Variants in ATG16L1 observed in about 807,000 individuals in gnomAD.
ATG16L1 encodes autophagy related 16 like 1.
ATG16L1 carries 37 observed loss-of-function variants against 88.5 expected under a neutral mutation model. That is an observed-to-expected ratio of 0.42 (90% CI 0.32 to 0.55). ATG16L1 has a LOEUF of 0.55. Ranked by LOEUF, ATG16L1 falls within the 20% of genes least tolerant of loss-of-function variation. The pLI is 0.13. For synonymous variants in ATG16L1, 301 were observed against 281.0 expected, an observed-to-expected ratio of 1.07 and a Z score of -0.71; for missense variants, 554 against 752.8, an observed-to-expected ratio of 0.74 and a Z score of 3.09.
intron 6 of ATG16L1, among the ~76,000 whole-genome samples, chr2:233,271,436 G>A (rs1235290263): frequency 6.6e-6 from 1 of 152,120 alleles, no homozygotes; most frequent in Non-Finnish European, 1.5e-5. Context: ...GCGCCACCAC[G>A]CCCAGCTAAT....
intron 10 of ATG16L1, among the ~76,000 whole-genome samples, chr2:233,278,842 A>G (rs898523002): frequency 2.0e-5 from 3 of 152,178 alleles, no homozygotes; most frequent in Non-Finnish European, 2.9e-5. Context: ...AAAATTTACT[A>G]TTTTGCCCAG....
At chr2:233,269,582 C>T (rs978920509) in intron 5 of ATG16L1, among the ~76,000 whole-genome samples, 15 of 152,222 alleles carry the variant, frequency 9.9e-5, no homozygotes, top group Admixed American at 3.3e-4. Flanking sequence ...TGAGAAAATT[C>T]GAAATCTGAA....
intron 1 of ATG16L1, among the ~76,000 whole-genome samples, chr2:233,252,221 A>C (rs1696423095): frequency 6.6e-6 from 1 of 152,246 alleles, no homozygotes; most frequent in African/African-American, 2.4e-5. Flanking sequence ...ATGCTTATGC[A>C]CTTAAATAGG....
chr2:233,285,810 A>G (rs1361382761), intron 12 of ATG16L1, among the ~76,000 whole-genome samples: 1 of 152,232 alleles, frequency 6.6e-6, no homozygotes, highest in Admixed American at 6.5e-5. Context: ...ACAGACATCC[A>G]TGCCCTGTTC....
chr2:233,292,510 T>C (rs916068385), intron 16 of ATG16L1, 76 bp downstream of exon 16: 192 of 1,588,082 alleles, frequency 1.2e-4, no homozygotes, highest in Non-Finnish European at 1.6e-4. Flanking sequence ...ACTGGGGATA[T>C]AGAGCTAAAT....
intron 17 of ATG16L1, 68 bp downstream of exon 17, chr2:233,293,425 C>A: frequency 1.4e-6 from 2 of 1,435,624 alleles, no homozygotes; most frequent in Non-Finnish European, 9.8e-7. Context: ...TCTCAGGGGT[C>A]ATCCGGTTTA....
chr2:233,256,714 T>C lies in ATG16L1; in HGVS notation c.209+519T>C, dbSNP rs975689254. ...TTTTCTTTTTTTTTTTTTTCTTTTT[T>C]GAGACAGTCTCACTCTGTCACCCAG... On this transcript the variant is annotated intron_variant, in intron 2 of 17. Coordinates refer to ENST00000392017, the MANE Select transcript of ATG16L1 (RefSeq NM_030803.7). Among the ~76,000 whole-genome samples the C allele has an allele frequency of 7.7e-4, 117 of 151,968 alleles. 1 individual carries two copies. Among genetic ancestry groups the C allele is most frequent in the Non-Finnish European group, 1.3e-3 (91 of 67,940 alleles).
chr2:233,288,109 C>A (rs1699206597), intron 12 of ATG16L1, among the ~76,000 whole-genome samples: 1 of 152,092 alleles, frequency 6.6e-6, no homozygotes, highest in African/African-American at 2.4e-5. Context: ...AGATGCTGTC[C>A]CAGTTTCAGA....
intron 5 of ATG16L1, among the ~76,000 whole-genome samples, chr2:233,267,524 G>A (rs1697691535): frequency 6.6e-6 from 1 of 152,148 alleles, no homozygotes; most frequent in African/African-American, 2.4e-5. Flanking sequence ...GGGGTGGTGA[G>A]ATTATGGTTT....
intron 5 of ATG16L1, among the ~76,000 whole-genome samples, chr2:233,267,632 T>C (rs1392336632): frequency 1.3e-5 from 2 of 152,254 alleles, no homozygotes; most frequent in African/African-American, 4.8e-5. Flanking sequence ...GTCTCACATT[T>C]ACTTTAAGCA....
intron 10 of ATG16L1, among the ~76,000 whole-genome samples, chr2:233,277,992 A>G (rs1458594339): frequency 1.3e-5 from 2 of 152,248 alleles, no homozygotes; most frequent in Admixed American, 6.5e-5. Context: ...GCATCTTGCA[A>G]AATAGTACCG....
intron 12 of ATG16L1, among the ~76,000 whole-genome samples, chr2:233,286,693 T>G (rs1193767189): frequency 6.8e-6 from 1 of 147,878 alleles, no homozygotes; most frequent in Non-Finnish European, 1.5e-5. Context: ...TGGCGTGATC[T>G]CTGCTCGCTG....
rs1574853799 is a variant in ATG16L1 at position 233,264,148 on chromosome 2, G to A, written c.389+83G>A. ...TGCTGACCTCTTGTGAGCAGGGCCAGTGGCAGTGAGTGGCCACAGTGCACT... is the reference window on the plus strand; with the variant it reads ...TGCTGACCTCTTGTGAGCAGGGCCAATGGCAGTGAGTGGCCACAGTGCACT... On this transcript the variant is annotated intron_variant, in intron 4 of 17. Transcript: ENST00000392017. 7.7e-6 allele frequency: 10 copies of A among 1,294,752 alleles called. No homozygotes were observed. In the East Asian group the frequency reaches 2.1e-4, roughly 27 times the overall value. The allele number at this position is 1,294,752 out of a possible 1,614,324, so 80.2% of individuals were successfully genotyped here. A position where few individuals can be genotyped will look rare whatever the true frequency, so the allele number is the denominator to read the frequency against.
intron 2 of ATG16L1, among the ~76,000 whole-genome samples, chr2:233,261,837 A>AT (rs1239030226): frequency 1.3e-5 from 2 of 152,218 alleles, no homozygotes; most frequent in Non-Finnish European, 2.9e-5. Flanking sequence ...CTGAGATATT[A>AT]TGCAAACACT....
chr2:233,278,408 A>C (rs1186035869), intron 10 of ATG16L1, among the ~76,000 whole-genome samples: 1 of 152,240 alleles, frequency 6.6e-6, no homozygotes, highest in African/African-American at 2.4e-5. Context: ...CCACTTTGCC[A>C]AGTGTCTGTA....
chr2:233,257,982 A>T (rs1307108466), intron 2 of ATG16L1, among the ~76,000 whole-genome samples: 2 of 149,592 alleles, frequency 1.3e-5, no homozygotes, highest in East Asian at 3.9e-4. Context: ...AGCCTGGGTG[A>T]CAGAGCGAGA....
intron 1 of ATG16L1, among the ~76,000 whole-genome samples, chr2:233,253,983 C>T (rs957949238): frequency 1.3e-5 from 2 of 152,188 alleles, no homozygotes; most frequent in South Asian, 4.1e-4. Flanking sequence ...AACATTTTCA[C>T]TTACTTTCTG....
chr2:233,287,030 TAAGTC>T lies in ATG16L1; in HGVS notation c.1204-2820_1204-2816del, dbSNP rs368659226. Among the ~76,000 whole-genome samples the T allele has an allele frequency of 2.5e-4, 38 of 152,132 alleles. No individual in the cohort carries two copies. In the East Asian group the frequency reaches 5.8e-3, roughly 23 times the overall value. On this transcript the variant is annotated intron_variant, in intron 12 of 17. Coordinates refer to ENST00000392017, the MANE Select transcript of ATG16L1 (RefSeq NM_030803.7). The stretch of plus-strand genomic sequence containing the variant: ...AGTTCAGCAGTTTCATTCCTGGAAA[TAAGTC>T]AAGAGAAGAAAGCTGTGTGCTCATA...
At position 233,282,668 on chromosome 2, in the gene ATG16L1, C is replaced by CTT; in HGVS notation, c.1132-12_1132-11dup. On this transcript the variant is annotated splice_polypyrimidine_tract_variant and intron_variant, in intron 11 of 17. Transcript: ENST00000392017. ...TTGGCTAAAAATTGGTTTTCCTCTT[C>CTT]TTTATTCCCACAGGGATCTTACCTC... The CTT allele has an allele frequency of 6.2e-7, 1 of 1,613,484 alleles. No homozygotes were observed. The highest frequency in any genetic ancestry group is 1.7e-4 in the Middle Eastern group (1 of 6,056).
Sources: gnomAD v4.1 joint callset for allele counts (sites outside exome capture counted in the v4.1 genomes callset) on GRCh38, gnomAD v4.1.1 for gene constraint, MANE v1.5 for transcripts, NCBI Gene and HGNC (gene_info 2026-07-23, HGNC 2026-07-21) for gene names.